MEF2A: variants seen among roughly 807,000 people sequenced by gnomAD.
MEF2A encodes myocyte enhancer factor 2A, also known as myocyte-specific enhancer factor 2A.
Under a neutral mutation model 55.8 loss-of-function variants are expected in MEF2A, and 28 were observed. The ratio of observed to expected loss-of-function variants is 0.50; its 90% CI spans 0.37 to 0.69. The LOEUF is 0.69. Ranked by LOEUF, MEF2A falls within the 30% of genes least tolerant of loss-of-function variation. The pLI is 0.00. For missense variants in MEF2A, 528 were observed against 626.2 expected (o/e 0.84, Z 1.67); for synonymous variants, 239 against 227.1 (o/e 1.05, Z -0.47).
At chr15:99,705,318 A>T (rs2057900970) in intron 9 of MEF2A, among the ~76,000 whole-genome samples, 1 of 152,198 alleles carries the variant, frequency 6.6e-6, no homozygotes, top group South Asian at 2.1e-4. Context: ...TTATATAGAA[A>T]TTTGGGACAG....
rs556446719 is a variant in MEF2A, at chr15:99,646,402, A to T, written c.258+638A>T. 6.6e-5 allele frequency among the ~76,000 whole-genome samples: 10 copies of T among 152,240 alleles called. No individual in the cohort carries two copies. In the South Asian group the frequency reaches 2.1e-3, roughly 32 times the overall value. On this transcript the variant is annotated intron_variant, in intron 4 of 11. Transcript: ENST00000557942. ...CCCTTTTTATCTTCTCTCTTTCAAGATCTTCCATAAGATAACTTTTCCATG... is the reference window on the plus strand; with the variant it reads ...CCCTTTTTATCTTCTCTCTTTCAAGTTCTTCCATAAGATAACTTTTCCATG...
chr15:99,599,302 A>G (rs1308086015), intron 2 of MEF2A, among the ~76,000 whole-genome samples: 1 of 152,150 alleles, frequency 6.6e-6, no homozygotes, highest in African/African-American at 2.4e-5. Context: ...GTGTGTTATA[A>G]TAAGTTAACA....
chr15:99,682,563 T>C (rs1382231924), intron 7 of MEF2A, among the ~76,000 whole-genome samples: 1 of 152,230 alleles, frequency 6.6e-6, no homozygotes, highest in Non-Finnish European at 1.5e-5. Flanking sequence ...TATATATCAC[T>C]GCACTCTACA....
chr15:99,659,933 A>C (rs2048354307), intron 4 of MEF2A, among the ~76,000 whole-genome samples: 1 of 152,344 alleles, frequency 6.6e-6, no homozygotes, highest in African/African-American at 2.4e-5. Flanking sequence ...TTTCCACAAA[A>C]CTACAAGTCC....
intron 2 of MEF2A, among the ~76,000 whole-genome samples, chr15:99,605,752 C>T (rs1410105461): frequency 6.6e-6 from 1 of 151,408 alleles, no homozygotes; most frequent in African/African-American, 2.4e-5. Context: ...GGGTGGATCA[C>T]CTGAGCCTAG....
chr15:99,595,865 G>T (rs2153015771), intron 1 of MEF2A, among the ~76,000 whole-genome samples: 1 of 152,302 alleles, frequency 6.6e-6, no homozygotes, highest in Non-Finnish European at 1.5e-5. Context: ...ATGGCTTGTT[G>T]TCTAGGTTAA....
chr15:99,631,595 A>G (rs567846914), intron 2 of MEF2A, among the ~76,000 whole-genome samples: 35 of 152,116 alleles, frequency 2.3e-4, no homozygotes, highest in African/African-American at 8.2e-4. Context: ...TGGTTTGATT[A>G]ATGTCTTTTT....
At chr15:99,670,470 C>T (rs1202576557) in intron 4 of MEF2A, among the ~76,000 whole-genome samples, 2 of 152,080 alleles carry the variant, frequency 1.3e-5, no homozygotes, top group South Asian at 2.1e-4. Flanking sequence ...ATTAGCCGGG[C>T]GTGGTGGCGG....
intron 7 of MEF2A, among the ~76,000 whole-genome samples, chr15:99,684,028 T>C (rs2053749577): frequency 1.3e-5 from 2 of 152,206 alleles, no homozygotes; most frequent in African/African-American, 2.4e-5. Flanking sequence ...TTGCTGCAAA[T>C]GCCATTATTT....
At chr15:99,634,935 T>C (rs2043524073) in intron 3 of MEF2A, among the ~76,000 whole-genome samples, 1 of 152,234 alleles carries the variant, frequency 6.6e-6, no homozygotes, top group South Asian at 2.1e-4. Context: ...AGAAACAATT[T>C]GTCACAAACT....
intron 2 of MEF2A, among the ~76,000 whole-genome samples, chr15:99,627,548 T>C (rs1415621548): frequency 6.6e-6 from 1 of 151,982 alleles, no homozygotes; most frequent in African/African-American, 2.4e-5. Context: ...AGGAAAAGTG[T>C]ATTTTTACAT....
chr15:99,617,513 G>T (rs1294617906), intron 2 of MEF2A, among the ~76,000 whole-genome samples: 1 of 152,060 alleles, frequency 6.6e-6, no homozygotes, highest in African/African-American at 2.4e-5. Flanking sequence ...TAATCTCCTT[G>T]TCCTTTTGGG....
intron 2 of MEF2A, among the ~76,000 whole-genome samples, chr15:99,600,718 G>A (rs894244253): frequency 1.3e-5 from 2 of 151,876 alleles, no homozygotes; most frequent in Non-Finnish European, 2.9e-5. Context: ...TGGCCATTAT[G>A]TGTGGGTCTG....
At chr15:99,675,548 A>G (rs1483421413) in intron 7 of MEF2A, 90 bp downstream of exon 7, 1 of 1,187,044 alleles carries the variant, frequency 8.4e-7, no homozygotes, top group African/African-American at 1.5e-5. Context: ...TTTCTGGGAA[A>G]TTTCCTTCTG....
At chr15:99,577,193 G>GTGCTATAA (rs1174357793) in intron 1 of MEF2A, among the ~76,000 whole-genome samples, 2 of 152,194 alleles carry the variant, frequency 1.3e-5, no homozygotes, top group African/African-American at 4.8e-5. Flanking sequence ...GTGAAATTAA[G>GTGCTATAA]TGCTATAAAG....
intron 1 of MEF2A, among the ~76,000 whole-genome samples, chr15:99,589,572 G>A (rs1469409048): frequency 6.6e-6 from 1 of 151,856 alleles, no homozygotes; most frequent in Non-Finnish European, 1.5e-5. Context: ...TAGTGTCTTA[G>A]GGTGGAAGTT....
chr15:99,682,089 A>T (rs2053355303), intron 7 of MEF2A, among the ~76,000 whole-genome samples: 1 of 152,248 alleles, frequency 6.6e-6, no homozygotes, highest in African/African-American at 2.4e-5. Flanking sequence ...AAATGAATTC[A>T]TAGTGAAATA....
At chr15:99,678,409 T>G (rs536896210) in intron 7 of MEF2A, among the ~76,000 whole-genome samples, 5 of 152,360 alleles carry the variant, frequency 3.3e-5, no homozygotes, top group Non-Finnish European at 5.9e-5. Context: ...CAAATTCTAC[T>G]TGTTTTAAAT....
rs568297463 is a variant in MEF2A, at chr15:99,635,906, A to ATACG, written c.54+2735_54+2738dup. Among the ~76,000 whole-genome samples, 7 of 152,320 alleles carry ATACG rather than the reference A, an allele frequency of 4.6e-5. No homozygotes were observed. In the South Asian group the frequency reaches 1.5e-3, roughly 32 times the overall value. ...TGTAATTTTGAATATTCTCGATAGT[A>ATACG]TACGTGAACACTTGGGTAAATAGGA... On this transcript the variant is annotated intron_variant, in intron 3 of 11. Transcript: ENST00000557942.
Sources: allele counts gnomAD v4.1 joint callset (sites outside exome capture counted in the v4.1 genomes callset), GRCh38; gene constraint gnomAD v4.1.1; transcripts MANE v1.5; gene names NCBI Gene and HGNC (gene_info 2026-07-23, HGNC 2026-07-21).